UPP2: variants seen among roughly 807,000 people sequenced by gnomAD.
The protein encoded by UPP2 is UPase 2.
Under a neutral mutation model 26.7 loss-of-function variants are expected in UPP2, and 23 were observed. The observed-to-expected ratio is 0.86, with a 90% CI of 0.62 to 1.22. The LOEUF is 1.22. Among genes scored for constraint, UPP2 ranks in the 50% most tolerant of loss-of-function variants. UPP2 has a pLI of 0.00. For synonymous variants in UPP2, 127 were observed against 141.3 expected (o/e 0.90, Z 0.72); for missense variants, 387 against 396.7 (o/e 0.98, Z 0.21).
chr2:158,006,183 G>A (rs997855186), intron 2 of UPP2, among the ~76,000 whole-genome samples: 10 of 152,306 alleles, frequency 6.6e-5, no homozygotes, highest in Middle Eastern at 3.4e-3. Context: ...ATAATGGCTG[G>A]GCACGGTGGC....
At chr2:158,123,547 C>T (rs1015460842) in intron 5 of UPP2, among the ~76,000 whole-genome samples, 10 of 152,186 alleles carry the variant, frequency 6.6e-5, no homozygotes, top group Non-Finnish European at 1.2e-4. Flanking sequence ...CTCCTTCCTA[C>T]GTATGAGACT....
chr2:158,047,807 C>T (rs1257948050), intron 3 of UPP2, among the ~76,000 whole-genome samples: 1 of 152,230 alleles, frequency 6.6e-6, no homozygotes, highest in Non-Finnish European at 1.5e-5. Context: ...ACTTGGTGAA[C>T]ATATACTATA....
At chr2:158,013,301 TTC>T (rs1405363882) in intron 2 of UPP2, among the ~76,000 whole-genome samples, 1 of 152,176 alleles carries the variant, frequency 6.6e-6, no homozygotes, top group African/African-American at 2.4e-5. Flanking sequence ...TGGCCAATAA[TTC>T]TTTTTCATGA....
intron 2 of UPP2, among the ~76,000 whole-genome samples, chr2:157,999,937 T>A (rs1683379231): frequency 6.6e-6 from 1 of 151,868 alleles, no homozygotes; most frequent in Non-Finnish European, 1.5e-5. Flanking sequence ...GGGATTAGGA[T>A]AAAAAGGGAA....
At chr2:158,091,353 T>C (rs1231705245) in intron 3 of UPP2, among the ~76,000 whole-genome samples, 5 of 152,214 alleles carry the variant, frequency 3.3e-5, no homozygotes, top group Admixed American at 1.3e-4. Flanking sequence ...GAACTTCAGA[T>C]AGATCAACAA....
chr2:158,116,667 T>C (rs1021610109), intron 3 of UPP2, among the ~76,000 whole-genome samples: 1 of 152,226 alleles, frequency 6.6e-6, no homozygotes, highest in African/African-American at 2.4e-5. Context: ...TGGCAATCAT[T>C]AACTTACTAA....
intron 3 of UPP2, among the ~76,000 whole-genome samples, chr2:158,028,270 T>C (rs1683866386): frequency 6.6e-6 from 1 of 152,210 alleles, no homozygotes; most frequent in African/African-American, 2.4e-5. Context: ...ATCTCTTGAA[T>C]GCTTTGCTGC....
chr2:158,011,544 G>T (rs191649511), intron 2 of UPP2, among the ~76,000 whole-genome samples: 1 of 152,228 alleles, frequency 6.6e-6, no homozygotes, highest in Admixed American at 6.5e-5. Flanking sequence ...TTGATCAATT[G>T]CAATGGTCAA....
At chr2:158,042,736 TCTC>T (rs1373457533) in intron 3 of UPP2, among the ~76,000 whole-genome samples, 1 of 152,136 alleles carries the variant, frequency 6.6e-6, no homozygotes, top group Non-Finnish European at 1.5e-5. Flanking sequence ...TGTACTTTGT[TCTC>T]TTCTTCCTCC....
At chr2:158,127,090 C>T (rs1683709355) in intron 6 of UPP2, among the ~76,000 whole-genome samples, 1 of 152,224 alleles carries the variant, frequency 6.6e-6, no homozygotes, top group Non-Finnish European at 1.5e-5. Context: ...TCTAGATCTA[C>T]TTAGCACAAG....
At chr2:158,128,532 C>T (rs1355750328) in intron 6 of UPP2, among the ~76,000 whole-genome samples, 3 of 152,160 alleles carry the variant, frequency 2.0e-5, no homozygotes, top group African/African-American at 7.2e-5. Context: ...TTCACCTTTA[C>T]AAGAGAAAAA....
chr2:158,017,482 T>A (rs1683679152), intron 3 of UPP2, among the ~76,000 whole-genome samples: 1 of 152,142 alleles, frequency 6.6e-6, no homozygotes, highest in African/African-American at 2.4e-5. Context: ...AACTTACAGA[T>A]TTTAACTCTA....
Position 158,117,920 on chromosome 2 carries a change from G to A in UPP2, c.436G>A (p.Gly146Ser), listed in dbSNP as rs757337316. The A allele has an allele frequency of 1.7e-5, 27 of 1,610,614 alleles. No homozygotes were observed. Among genetic ancestry groups the A allele is most frequent in the East Asian group, 4.5e-5 (2 of 44,870 alleles). Reference protein sequence around the residue: ...RCCDVTIIRIGTSGGIGIAPG... With the variant: ...RCCDVTIIRISTSGGIGIAPG... The stretch of plus-strand genomic sequence containing the variant: ...CTGCGATGTCACCATTATTAGAATC[G>A]GTACATCAGGGGGAATAGGTGAGAC... Residue 146 changes from glycine (G) to serine (S), a missense_variant, in exon 4 of 7, where the codon GGT (glycine) becomes AGT (serine). Physicochemically the swap from Gly to Ser is moderately conservative, Grantham distance 56. Transcript: ENST00000005756.
intron 3 of UPP2, among the ~76,000 whole-genome samples, chr2:158,037,235 T>C (rs1336478023): frequency 4.0e-5 from 6 of 151,230 alleles, no homozygotes; most frequent in East Asian, 1.9e-4. Context: ...ATTAGCTGGG[T>C]GTGGTGGCGG....
chr2:158,078,559 T>C (rs1414725545), intron 3 of UPP2, among the ~76,000 whole-genome samples: 1 of 152,064 alleles, frequency 6.6e-6, no homozygotes, highest in African/African-American at 2.4e-5. Flanking sequence ...CTTCACTTAT[T>C]TGTGGGAGAT....
At chr2:158,000,117 G>A (rs1240916028) in intron 2 of UPP2, among the ~76,000 whole-genome samples, 3 of 151,402 alleles carry the variant, frequency 2.0e-5, no homozygotes, top group Admixed American at 1.3e-4. Context: ...AGGCTAGAGT[G>A]CAATGGCGCG....
In UPP2 at chr2:158,101,973, C is replaced by G. The variant is rs565520588; in HGVS notation, c.-91C>G. ...GTTATCATTCTGACTGGGAACTGAACTATTATGACTAGGTCTATAATTTAA... is the reference window on the plus strand; with the variant it reads ...GTTATCATTCTGACTGGGAACTGAAGTATTATGACTAGGTCTATAATTTAA... On this transcript the variant is annotated 5_prime_UTR_variant, in exon 1 of 7. Coordinates refer to ENST00000005756, the MANE Select transcript of UPP2 (RefSeq NM_173355.4). 2.5e-5 allele frequency: 39 copies of G among 1,542,882 alleles called. No homozygotes were observed. The East Asian group carries it at 3.8e-4, about 15-fold the overall frequency.
Position 158,067,616 on chromosome 2 carries a change from G to A in UPP2, c.148-34424G>A, listed in dbSNP as rs145388440. Among the ~76,000 whole-genome samples, 87 of 150,948 alleles carry A rather than the reference G, an allele frequency of 5.8e-4. No individual in the cohort carries two copies. In the East Asian group the frequency reaches 0.013, roughly 23 times the overall value. On this transcript the variant is annotated intron_variant, in intron 3 of 9. Coordinates refer to the UPP2 transcript ENST00000605860. Reference sequence around the variant, plus strand: ...TATGGGCAGAGAAGATTTACAAATCGATGTGTTCAGATTGCCAGATTCCAA... The same window carrying A: ...TATGGGCAGAGAAGATTTACAAATCAATGTGTTCAGATTGCCAGATTCCAA...
intron 3 of UPP2, among the ~76,000 whole-genome samples, chr2:158,090,751 G>A (rs1404828145): frequency 6.6e-6 from 1 of 152,160 alleles, no homozygotes; most frequent in Non-Finnish European, 1.5e-5. Flanking sequence ...TAGCTTTAAG[G>A]AATAAAAGAG....
Sources: gnomAD v4.1 joint callset for allele counts (sites outside exome capture counted in the v4.1 genomes callset) on GRCh38, gnomAD v4.1.1 for gene constraint, MANE v1.5 for transcripts, NCBI Gene and HGNC (gene_info 2026-07-23, HGNC 2026-07-21) for gene names.